RPGR: variants seen among roughly 807,000 people sequenced by gnomAD.
The protein encoded by RPGR is X-linked retinitis pigmentosa GTPase regulator.
Under a neutral mutation model 56.3 loss-of-function variants are expected in RPGR, and 10 were observed. That is an observed-to-expected ratio of 0.18 (90% CI 0.11 to 0.30). The LOEUF (loss-of-function observed/expected upper bound fraction) is 0.30, where lower values mean the gene tolerates loss of function less well. Among genes scored for constraint, RPGR ranks in the 10% least tolerant of loss-of-function variants. The pLI, the probability that RPGR is intolerant of heterozygous loss-of-function variation, is 1.00. For missense variants in RPGR, 538 were observed against 590.9 expected, an observed-to-expected ratio of 0.91 and a Z score of 0.93; for synonymous variants, 197 against 212.9, an observed-to-expected ratio of 0.93 and a Z score of 0.65.
chrX:38,322,535 A>G (rs1429862659), intron 3 of RPGR, among the ~76,000 whole-genome samples: 1 of 112,249 alleles, frequency 8.9e-6, no homozygotes, highest in Non-Finnish European at 1.9e-5. Flanking sequence ...TGTTCTCTGT[A>G]TATACAATAA....
At chrX:38,325,171 C>A (rs5917562) in intron 1 of RPGR, among the ~76,000 whole-genome samples, 14,202 of 88,264 alleles carry the variant, frequency 0.16, 1,079 homozygotes, top group Middle Eastern at 0.27. Flanking sequence ...GTGACTCCGT[C>A]TCAAAAAAAA....
At chrX:38,322,171 C>T (rs1389829403) in intron 3 of RPGR, among the ~76,000 whole-genome samples, 3 of 111,876 alleles carry the variant, frequency 2.7e-5, no homozygotes, top group Non-Finnish European at 5.6e-5. Context: ...TAAAATTTAG[C>T]CAGGAAGATA....
At chrX:38,302,423 G>A (rs143571120) in intron 8 of RPGR, among the ~76,000 whole-genome samples, 172 of 111,374 alleles carry the variant, frequency 1.5e-3, no homozygotes, top group African/African-American at 5.1e-3. Flanking sequence ...AACGTGGCTC[G>A]GGCAAGAAGC....
At chrX:38,307,114 A>G (rs1419583744) in intron 7 of RPGR, among the ~76,000 whole-genome samples, 1 of 112,467 alleles carries the variant, frequency 8.9e-6, no homozygotes, top group Non-Finnish European at 1.9e-5. Flanking sequence ...ACATAATCTG[A>G]GAAGTTAAGA....
At chrX:38,276,357 C>T (rs949477544) in intron 16 of RPGR, among the ~76,000 whole-genome samples, 3 of 111,697 alleles carry the variant, frequency 2.7e-5, no homozygotes, top group Admixed American at 9.5e-5. Context: ...TCCACTCATG[C>T]GGGAGGCAGA....
rs1285695770 is a variant in RPGR, at chrX:38,285,850, CCCT to C, written c.1905+1241_1905+1243del. 4 of 1,202,138 alleles carry C rather than the reference CCCT, an allele frequency of 3.3e-6. No homozygotes were observed. Among genetic ancestry groups the C allele is most frequent in the Admixed American group, 2.2e-5 (1 of 44,864 alleles). Reference sequence around the variant, plus strand: ...GTTCCTCCTGTTTTCTTCTCCTTCCCCCTCCTTTTCCCTTTCTTCTCCTTCCTC... The same window carrying C: ...GTTCCTCCTGTTTTCTTCTCCTTCCCCCTTTTCCCTTTCTTCTCCTTCCTC... On this transcript the variant is annotated intron_variant, in intron 15 of 18. Transcript: ENST00000642395.
chrX:38,313,106 TG>T (rs2067753145), intron 6 of RPGR, among the ~76,000 whole-genome samples: 1 of 110,761 alleles, frequency 9.0e-6, no homozygotes, highest in Non-Finnish European at 1.9e-5. Context: ...TCTCTGCACA[TG>T]TTTTTGTCTC....
At chrX:38,314,123 C>T (rs1055025307) in intron 6 of RPGR, among the ~76,000 whole-genome samples, 3 of 111,087 alleles carry the variant, frequency 2.7e-5, no homozygotes, top group Admixed American at 9.6e-5. Context: ...TGATGGGCGG[C>T]ATTCTAAGCC....
chrX:38,319,098 T>G (rs2067882291), intron 4 of RPGR, 111 bp from the exon 5 acceptor site: 3 of 779,452 alleles, frequency 3.8e-6, no homozygotes, highest in Admixed American at 2.5e-5. Flanking sequence ...TTGAAAGCTA[T>G]CACTATCCTA....
intron 18 of RPGR, chrX:38,272,297 T>C (rs1369046291): frequency 9.1e-6 from 1 of 110,297 alleles, no homozygotes; most frequent in African/African-American, 3.3e-5. Context: ...AAGTTAAAAT[T>C]AAAAATTCCA....
At chrX:38,285,283 A>C (rs1303736561) in intron 15 of RPGR, 1 of 1,029,728 alleles carries the variant, frequency 9.7e-7, no homozygotes, top group Non-Finnish European at 1.2e-6. Flanking sequence ...ATCTGATATG[A>C]CCTTTTAATA....
chrX:38,295,168 C>T (rs2067352567), intron 11 of RPGR, among the ~76,000 whole-genome samples: 1 of 112,079 alleles, frequency 8.9e-6, no homozygotes, highest in Non-Finnish European at 1.9e-5. Context: ...TCTAGCCCCA[C>T]TGGTTGTCCT....
Position 38,327,489 on chromosome X carries a change from G to T in RPGR, c.-122C>A, listed in dbSNP as rs2068075893. 1 of 675,168 alleles carries T rather than the reference G, an allele frequency of 1.5e-6. No homozygotes were observed. 55.6% of individuals were successfully genotyped at this position (675,168 alleles called of 1,213,427 possible). On this transcript the variant is annotated 5_prime_UTR_variant, in exon 1 of 19. Transcript: ENST00000642395. ...CGAAAGCCCCCAAGTTCCGCATGGCGAAACTCCGGAGATCAACTACAACCG... is the reference window on the plus strand; with the variant it reads ...CGAAAGCCCCCAAGTTCCGCATGGCTAAACTCCGGAGATCAACTACAACCG...
chrX:38,286,694 C>CACG, intron 15 of RPGR: 1 of 1,152,307 alleles, frequency 8.7e-7, no homozygotes, highest in Non-Finnish European at 1.2e-6. Context: ...TCCTCCTTTT[C>CACG]ACGTTCTCCC....
chrX:38,312,040 G>C (rs2067728363), intron 6 of RPGR, among the ~76,000 whole-genome samples: 1 of 112,129 alleles, frequency 8.9e-6, no homozygotes, highest in Non-Finnish European at 1.9e-5. Context: ...CGCTATTGAA[G>C]ACTGTGAGTC....
At chrX:38,295,614 G>C (rs938549947) in intron 11 of RPGR, among the ~76,000 whole-genome samples, 3 of 111,960 alleles carry the variant, frequency 2.7e-5, no homozygotes, top group Non-Finnish European at 5.6e-5. Context: ...ATTAGACATT[G>C]ATCTTATTTC....
At position 38,327,458 on chromosome X, in the gene RPGR, G is replaced by A. The variant is rs2068075078; in HGVS notation, c.-91C>T. 1 of 936,497 alleles carries A rather than the reference G, an allele frequency of 1.1e-6. No individual in the cohort carries two copies. Among genetic ancestry groups the A allele is most frequent in the African/African-American group, 2.0e-5 (1 of 49,728 alleles). 77.2% of individuals were successfully genotyped at this position (936,497 alleles called of 1,213,427 possible). A position where few individuals can be genotyped will look rare whatever the true frequency, so the allele number is the denominator to read the frequency against. Reference sequence around the variant, plus strand: ...TAAAGCAGCTACTCCGCACCGACGCGGGCCGCGAAAGCCCCCAAGTTCCGC... The same window carrying A: ...TAAAGCAGCTACTCCGCACCGACGCAGGCCGCGAAAGCCCCCAAGTTCCGC... On this transcript the variant is annotated 5_prime_UTR_variant, in exon 1 of 19. Coordinates refer to ENST00000642395, the MANE Select transcript of RPGR (RefSeq NM_000328.3).
At chrX:38,319,288 G>A (rs910416568) in intron 4 of RPGR, among the ~76,000 whole-genome samples, 1 of 112,233 alleles carries the variant, frequency 8.9e-6, no homozygotes, top group African/African-American at 3.2e-5. Flanking sequence ...TAAAAACAAG[G>A]AAAGTAACTT....
chrX:38,308,001 T>C (rs1443024139), intron 7 of RPGR: 1 of 112,048 alleles, frequency 8.9e-6, no homozygotes, highest in Non-Finnish European at 1.9e-5. Context: ...TAAACTCAAA[T>C]TTTAGATTAT....
Sources: gnomAD v4.1 joint callset for allele counts (sites outside exome capture counted in the v4.1 genomes callset) on GRCh38, gnomAD v4.1.1 for gene constraint, MANE v1.5 for transcripts, NCBI Gene and HGNC (gene_info 2026-07-23, HGNC 2026-07-21) for gene names.